Variants in SYT14 observed in about 807,000 individuals in gnomAD.
SYT14 encodes synaptotagmin-14.
A neutral mutation model predicts 74.2 loss-of-function variants in SYT14; 32 were observed. The observed-to-expected ratio is 0.43, with a 90% confidence interval of 0.33 to 0.58. The LOEUF (loss-of-function observed/expected upper bound fraction) is 0.58, where lower values mean the gene tolerates loss of function less well. Among genes scored for constraint, SYT14 ranks in the 20% least tolerant of loss-of-function variants. SYT14 has a pLI of 0.05. For missense variants in SYT14, 791 were observed against 981.8 expected (o/e 0.81, Z 2.60); for synonymous variants, 298 against 337.7 (o/e 0.88, Z 1.29).
At position 209,950,313 on chromosome 1, in the gene SYT14, A is replaced by G. The variant is rs531751769; in HGVS notation, c.-533-2396A>G. ...CTCAATATATTAATACATTATAGTT[A>G]TGTTATTTTTATTACATGACCCTTC... On this transcript the variant is annotated intron_variant, in intron 1 of 9. Transcript: ENST00000637265. Among the ~76,000 whole-genome samples the G allele has an allele frequency of 1.9e-4, 29 of 152,278 alleles. No individual in the cohort carries two copies. The South Asian group carries it at 2.1e-3, about 11-fold the overall frequency.
intron 5 of SYT14, among the ~76,000 whole-genome samples, chr1:210,025,556 G>A (rs577814914): frequency 6.6e-6 from 1 of 152,184 alleles, no homozygotes; most frequent in South Asian, 2.1e-4. Context: ...TTTCTCAACA[G>A]CCTGAGTAAT....
chr1:209,945,831 C>G (rs552616357), intron 1 of SYT14, among the ~76,000 whole-genome samples: 6 of 152,260 alleles, frequency 3.9e-5, no homozygotes, highest in African/African-American at 1.4e-4. Context: ...CCTCCTTGCA[C>G]TTCATTTTGT....
At chr1:210,084,725 G>T (rs574900768) in intron 5 of SYT14, among the ~76,000 whole-genome samples, 1 of 152,158 alleles carries the variant, frequency 6.6e-6, no homozygotes, top group East Asian at 1.9e-4. Context: ...AAGAGCATTC[G>T]TAGGTTAAAG....
chr1:210,148,091 A>G, intron 7 of SYT14, among the ~76,000 whole-genome samples: 1 of 142,080 alleles, frequency 7.0e-6, no homozygotes, highest in South Asian at 2.5e-4. Context: ...TCACACAAAC[A>G]AAAAAAACTT....
intron 7 of SYT14, among the ~76,000 whole-genome samples, chr1:210,128,096 G>C (rs2082603606): frequency 6.6e-6 from 1 of 152,168 alleles, no homozygotes. Context: ...TTTAAGGCCA[G>C]GTATGGTGGC....
At chr1:210,032,803 T>C (rs2080571055) in intron 5 of SYT14, among the ~76,000 whole-genome samples, 1 of 151,976 alleles carries the variant, frequency 6.6e-6, no homozygotes, top group African/African-American at 2.4e-5. Flanking sequence ...TTAGCTATAC[T>C]GTTCTCCTAG....
chr1:210,116,191 G>A (rs951219030), intron 7 of SYT14, among the ~76,000 whole-genome samples: 20 of 152,228 alleles, frequency 1.3e-4, no homozygotes, highest in African/African-American at 4.6e-4. Context: ...TGCAGGCTTG[G>A]GCCCAGAGGC....
intron 8 of SYT14, among the ~76,000 whole-genome samples, chr1:210,156,411 A>T (rs901565859): frequency 6.6e-6 from 1 of 151,964 alleles, no homozygotes; most frequent in Non-Finnish European, 1.5e-5. Context: ...CTGCCAGCAG[A>T]GACTTTTCTT....
intron 3 of SYT14, among the ~76,000 whole-genome samples, chr1:210,014,065 G>C (rs1339364288): frequency 6.6e-6 from 1 of 152,096 alleles, no homozygotes; most frequent in Non-Finnish European, 1.5e-5. Flanking sequence ...CCTATAATAG[G>C]AGCAGATACA....
At chr1:209,961,411 A>G (rs1204566376) in intron 2 of SYT14, among the ~76,000 whole-genome samples, 1 of 152,176 alleles carries the variant, frequency 6.6e-6, no homozygotes, top group African/African-American at 2.4e-5. Context: ...AGTATTTATT[A>G]GAGCTAGTAT....
chr1:210,010,214 G>A (rs530388003), intron 2 of SYT14, among the ~76,000 whole-genome samples: 1 of 152,202 alleles, frequency 6.6e-6, no homozygotes, highest in Admixed American at 6.5e-5. Context: ...GATATTCAAG[G>A]TTCTTTGACA....
intron 8 of SYT14, chr1:210,156,829 A>G (rs1236682372): frequency 3.1e-6 from 1 of 317,552 alleles, no homozygotes; most frequent in South Asian, 2.6e-5. Flanking sequence ...AGTAGCTGGG[A>G]CTACAGGCAC....
At position 209,949,633 on chromosome 1, in the gene SYT14, T is replaced by C. The variant is rs1283124879; in HGVS notation, c.-533-3076T>C. 2.6e-5 allele frequency among the ~76,000 whole-genome samples: 4 copies of C among 152,198 alleles called. No individual in the cohort carries two copies. The East Asian group carries it at 7.7e-4, about 29-fold the overall frequency. On this transcript the variant is annotated intron_variant, in intron 1 of 9. Coordinates refer to ENST00000637265, the Ensembl canonical transcript of SYT14. Reference sequence around the variant, plus strand: ...AATGTAATAAATTTATATGACTTTTTAATATTTCTTCTTTTGTGTTTTTAA... The same window carrying C: ...AATGTAATAAATTTATATGACTTTTCAATATTTCTTCTTTTGTGTTTTTAA...
intron 2 of SYT14, among the ~76,000 whole-genome samples, chr1:210,001,551 C>T (rs1397350618): frequency 3.3e-5 from 5 of 152,030 alleles, no homozygotes; most frequent in Non-Finnish European, 4.4e-5. Flanking sequence ...AGCTGGCTTC[C>T]TGCCTTTTGA....
chr1:210,078,085 C>T (rs1243947578), intron 5 of SYT14, among the ~76,000 whole-genome samples: 9 of 152,002 alleles, frequency 5.9e-5, no homozygotes, highest in East Asian at 1.9e-4. Flanking sequence ...CCGAGGCGGG[C>T]GGATCACGAG....
In SYT14 at chr1:209,938,293, C is replaced by T. The variant is rs375718422; in HGVS notation, c.-534+16C>T. The T allele has an allele frequency of 6.4e-7, 1 of 1,555,472 alleles. No individual in the cohort carries two copies. The highest frequency in any genetic ancestry group is 8.7e-7 in the Non-Finnish European group (1 of 1,147,192). ...GCGATTGAAGGTAAGTGGAGGCTGA[C>T]AGCGGGGAGCGAGGACCGGGACCAC... is the stretch of plus-strand genomic sequence containing the variant. On this transcript the variant is annotated intron_variant, in intron 1 of 9. Transcript: ENST00000637265.
intron 2 of SYT14, among the ~76,000 whole-genome samples, chr1:210,007,685 A>T (rs916895105): frequency 2.0e-5 from 3 of 152,074 alleles, no homozygotes; most frequent in African/African-American, 4.8e-5. Flanking sequence ...CTTTGGTCAT[A>T]TAGCTTTTTC....
At position 210,084,146 on chromosome 1, in the gene SYT14, GC is replaced by G. The variant is rs527535435; in HGVS notation, c.1313-10174del. On this transcript the variant is annotated intron_variant, in intron 5 of 9. Coordinates refer to ENST00000637265, the Ensembl canonical transcript of SYT14. ...CTGGGTCTCAAAGGTCAGGCGTAGA[GC>G]CTCCTCTACTGTATCCTCAGTCATC... Among the ~76,000 whole-genome samples the G allele has an allele frequency of 5.2e-3, 799 of 152,310 alleles. 5 individuals are homozygous for G. The highest frequency in any genetic ancestry group is 8.7e-3 in the South Asian group (42 of 4,820).
At chr1:209,964,661 C>T (rs2079127219) in intron 2 of SYT14, among the ~76,000 whole-genome samples, 1 of 152,088 alleles carries the variant, frequency 6.6e-6, no homozygotes, top group Non-Finnish European at 1.5e-5. Context: ...TGTGCTCTCT[C>T]CCTATCATGA....
Sources: allele counts gnomAD v4.1 joint callset (sites outside exome capture counted in the v4.1 genomes callset), GRCh38; gene constraint gnomAD v4.1.1; transcripts MANE v1.5; gene names NCBI Gene and HGNC (gene_info 2026-07-23, HGNC 2026-07-21).